The following TTLL10 variants were observed in gnomAD, a reference collection of about 807,000 sequenced individuals.
TTLL10 encodes tubulin tyrosine ligase like 10.
In TTLL10, 61 loss-of-function variants were observed where a neutral mutation model predicts 69.0. That is an observed-to-expected ratio of 0.88 (90% confidence interval 0.72 to 1.09). The LOEUF (loss-of-function observed/expected upper bound fraction) is 1.09. Among genes scored for constraint, TTLL10 ranks in the 50% least tolerant of loss-of-function variants. The probability of loss-of-function intolerance (pLI) is 0.00; values close to 1 mark genes in which losing one functional copy is unlikely to be tolerated. For missense variants in TTLL10, 962 were observed against 945.9 expected (o/e 1.02, Z -0.22); for synonymous variants, 408 against 393.3 (o/e 1.04, Z -0.44).
rs1376829810 is a variant in TTLL10 at position 1,174,660 on chromosome 1, C to T, written c.-28+171C>T. 4 of 152,202 alleles carry T rather than the reference C, an allele frequency of 2.6e-5. No homozygotes were observed. In the South Asian group the frequency reaches 6.2e-4, roughly 24 times the overall value. 9.4% of individuals were successfully genotyped at this position (152,202 alleles called of 1,614,324 possible). On this transcript the variant is annotated intron_variant, in intron 3 of 15. Transcript: ENST00000379289. Reference sequence around the variant, plus strand: ...CGTCAGTCAGCATCTCGGAGTGAGACGCTTTCCTTCTGGATTCAGAATCGC... The same window carrying T: ...CGTCAGTCAGCATCTCGGAGTGAGATGCTTTCCTTCTGGATTCAGAATCGC...
intron 13 of TTLL10, among the ~76,000 whole-genome samples, chr1:1,190,835 T>C (rs773566997): frequency 1.1e-4 from 16 of 152,136 alleles, no homozygotes; most frequent in Non-Finnish European, 2.1e-4. Context: ...TTATTTTTTA[T>C]TTTATTTGAG....
Position 1,187,125 on chromosome 1 carries a change from T to C in TTLL10, c.1401+2016T>C, listed in dbSNP as rs796356427. Among the ~76,000 whole-genome samples the C allele has an allele frequency of 8.1e-4, 123 of 151,982 alleles. 1 individual carries two copies. The highest frequency in any genetic ancestry group is 2.8e-3 in the African/African-American group (118 of 41,474). ...CCTCCCAAAGTGCTGGGATTATAGG[T>C]GTGAGCCACCGCGCCCGGCCAAAAG... On this transcript the variant is annotated intron_variant, in intron 13 of 15. Coordinates refer to ENST00000379289, the MANE Select transcript of TTLL10 (RefSeq NM_001130045.2).
intron 14 of TTLL10, 43 bp from the exon 15 acceptor site, chr1:1,197,050 A>G: frequency 6.5e-7 from 1 of 1,534,058 alleles, no homozygotes; most frequent in Non-Finnish European, 8.8e-7. Context: ...CTGCTGGCCC[A>G]GTGGGCTCGG....
chr1:1,186,310 A>C (rs1314052560), intron 13 of TTLL10, among the ~76,000 whole-genome samples: 1 of 152,068 alleles, frequency 6.6e-6, no homozygotes, highest in Non-Finnish European at 1.5e-5. Context: ...GCTGGTCTCA[A>C]ACTCCTGACC....
intron 12 of TTLL10, among the ~76,000 whole-genome samples, chr1:1,184,662 T>C (rs1647197535): frequency 6.6e-6 from 1 of 152,082 alleles, no homozygotes; most frequent in Admixed American, 6.5e-5. Context: ...ACAGGCCTTC[T>C]AGGTTAGGGG....
chr1:1,179,766 T>C (rs987408796), intron 5 of TTLL10, 29 bp downstream of exon 5: 3 of 1,528,222 alleles, frequency 2.0e-6, no homozygotes, highest in African/African-American at 1.4e-5. Flanking sequence ...GCGACCTCCC[T>C]GCCCCCTGCT....
rs1357044668 is a variant in TTLL10, at chr1:1,182,963, T to G, written c.1004T>G (p.Leu335Arg). 3 of 1,605,596 alleles carry G rather than the reference T, an allele frequency of 1.9e-6. No individual in the cohort carries two copies. Among genetic ancestry groups the G allele is most frequent in the Admixed American group, 3.4e-5 (2 of 59,300 alleles). Reference protein sequence around the residue: ...LLRNQEEVAALQAKTRSMEDD... With the variant: ...LLRNQEEVAARQAKTRSMEDD... The stretch of plus-strand genomic sequence containing the variant: ...CGGAACCAGGAGGAAGTTGCCGCCC[T>G]GCAGGCCAAGACCCGGAGCATGGAG... Residue 335 changes from leucine (L) to arginine (R), a missense_variant, in exon 11 of 16, where the codon CTG (leucine) becomes CGG (arginine). Leu to Arg is a moderately radical substitution (Grantham distance 102). Coordinates refer to ENST00000379289, the MANE Select transcript of TTLL10 (RefSeq NM_001130045.2).
chr1:1,192,487 G>GT (rs1411092516), intron 13 of TTLL10, among the ~76,000 whole-genome samples: 1 of 152,152 alleles, frequency 6.6e-6, no homozygotes, highest in Non-Finnish European at 1.5e-5. Context: ...GTTCGTATCA[G>GT]TGTAGACACT....
chr1:1,197,294 C>G, intron 15 of TTLL10, 108 bp downstream of exon 15: 4 of 1,337,980 alleles, frequency 3.0e-6, no homozygotes, highest in Non-Finnish European at 4.1e-6. Flanking sequence ...CTTCCACCTC[C>G]CGAGGGCCTG....
chr1:1,196,574 C>T (rs1488907730), intron 13 of TTLL10, 26 bp from the exon 14 acceptor site: 1 of 1,532,108 alleles, frequency 6.5e-7, no homozygotes, highest in Admixed American at 2.0e-5. Flanking sequence ...GGGCCGCAGC[C>T]AGGATGCCTC....
In TTLL10 at chr1:1,197,759, C is replaced by T. The variant is rs1301769540; in HGVS notation, c.1934C>T (p.Ser645Leu). 122 of 1,535,444 alleles carry T rather than the reference C, an allele frequency of 7.9e-5. No homozygotes were observed. The highest frequency in any genetic ancestry group is 2.6e-4 in the Admixed American group (13 of 50,372). The change falls in exon 16 of 16, where the codon TCG becomes TTG. Residue 645 changes from serine (S) to leucine (L), a missense_variant. Coordinates refer to ENST00000379289, the MANE Select transcript of TTLL10 (RefSeq NM_001130045.2). ...GEPQAPGTEQ[S>L]GTGNRHPAQE... ...CCCCAGGCCCCGGGCACGGAGCAGTCGGGCACAGGCAACAGGCACCCGGCG... is the reference window on the plus strand; with the variant it reads ...CCCCAGGCCCCGGGCACGGAGCAGTTGGGCACAGGCAACAGGCACCCGGCG...
chr1:1,186,011 C>T, intron 13 of TTLL10: 1 of 198,086 alleles, frequency 5.0e-6, no homozygotes, highest in African/African-American at 2.4e-5. Flanking sequence ...GCTGATGGAC[C>T]TTCTCTCTCT....
chr1:1,197,636 CA>C lies in TTLL10; in HGVS notation c.1812del (p.Asp605ThrfsTer?). ...TCCGGGCCACCCATGCCGCATGCCC[CA>C]GACCAGCCGGGCGCCCGCAGGCCTG... ...KSSGPPMPHA[P>X]DQPGARRPAP... On this transcript the variant is annotated frameshift_variant, in exon 16 of 16. Coordinates refer to ENST00000379289, the MANE Select transcript of TTLL10 (RefSeq NM_001130045.2). LOFTEE classifies it high-confidence loss of function. The C allele has an allele frequency of 6.6e-7, 1 of 1,506,374 alleles. No homozygotes were observed. The highest frequency in any genetic ancestry group is 8.8e-7 in the Non-Finnish European group (1 of 1,134,832). 93.3% of individuals were successfully genotyped at this position (1,506,374 alleles called of 1,614,324 possible). A position where few individuals can be genotyped will look rare whatever the true frequency, so the allele number is the denominator to read the frequency against.
rs866471576 is a variant in TTLL10, at chr1:1,181,128, G to C, written c.755+268G>C. Among the ~76,000 whole-genome samples the C allele has an allele frequency of 3.4e-5, 5 of 147,362 alleles. No individual in the cohort carries two copies. Among genetic ancestry groups the C allele is most frequent in the African/African-American group, 1.0e-4 (4 of 39,322 alleles). ...CTGTCCTTTAAAGGGCCAAACCCCT[G>C]TCCCATAAACCCACCCTCTTCCTCG... On this transcript the variant is annotated intron_variant, in intron 8 of 15. Coordinates refer to ENST00000379289, the MANE Select transcript of TTLL10 (RefSeq NM_001130045.2). This position sits in a 1 kb window ranked among gnomAD's most constrained non-coding sequence, Gnocchi z 4.6.
intron 3 of TTLL10, among the ~76,000 whole-genome samples, chr1:1,177,972 G>A: frequency 6.6e-6 from 1 of 152,184 alleles, no homozygotes; most frequent in East Asian, 1.9e-4. Context: ...CCTCCCTGAG[G>A]ACGGGTCCCA....
chr1:1,187,584 C>A (rs112210705), intron 13 of TTLL10, among the ~76,000 whole-genome samples: 18 of 151,934 alleles, frequency 1.2e-4, no homozygotes, highest in African/African-American at 1.7e-4. Flanking sequence ...GAGCCAAGAT[C>A]GTGCCACTGC....
At position 1,183,052 on chromosome 1, in the gene TTLL10, G is replaced by T. The variant is rs201484894; in HGVS notation, c.1088+5G>T. ...TCAGGCGCGGGTGGTGCAGAGGTGC[G>T]GCGGCGGGTGCCCGGAGGGGTGAGG... On this transcript the variant is annotated splice_donor_5th_base_variant and intron_variant, in intron 11 of 15. Coordinates refer to ENST00000379289, the MANE Select transcript of TTLL10 (RefSeq NM_001130045.2). The T allele has an allele frequency of 2.5e-6, 4 of 1,591,368 alleles. No individual in the cohort carries two copies.
Position 1,179,319 on chromosome 1 carries a change from G to A in TTLL10, c.104G>A (p.Arg35Gln), listed in dbSNP as rs113596156. ...GKRPRIQQRP[R>Q]ARVSGTIPAS... The stretch of plus-strand genomic sequence containing the variant: ...AGGCCAAGGATCCAGCAGAGGCCTC[G>A]GGCTCGAGTCTCAGGTGAATAGAGC... Residue 35 changes from arginine (R) to glutamine (Q), a missense_variant, in exon 4 of 16, where the codon CGG becomes CAG. Transcript: ENST00000379289. 1.2e-3 allele frequency: 1,876 copies of A among 1,551,220 alleles called. 20 individuals carry two copies. The African/African-American group carries it at 0.019, about 16-fold the overall frequency.
In TTLL10 at chr1:1,182,968, G is replaced by A. The variant is rs1257121935; in HGVS notation, c.1009G>A (p.Ala337Thr). The A allele has an allele frequency of 1.2e-6, 2 of 1,606,782 alleles. No individual in the cohort carries two copies. The highest frequency in any genetic ancestry group is 2.2e-5 in the East Asian group (1 of 44,544). The change falls in exon 11 of 16, where the codon GCC (alanine) becomes ACC (threonine). Residue 337 changes from alanine (A) to threonine (T), a missense_variant. Ala to Thr is a moderately conservative substitution (Grantham distance 58, BLOSUM62 0). Transcript: ENST00000379289. ...RNQEEVAALQ[A>T]KTRSMEDDPI... ...CCAGGAGGAAGTTGCCGCCCTGCAGGCCAAGACCCGGAGCATGGAGGACGA... is the reference window on the plus strand; with the variant it reads ...CCAGGAGGAAGTTGCCGCCCTGCAGACCAAGACCCGGAGCATGGAGGACGA...
Sources: gnomAD v4.1 joint callset for allele counts (sites outside exome capture counted in the v4.1 genomes callset) on GRCh38, gnomAD v4.1.1 for gene constraint, Gnocchi (gnomAD v3.1) non-coding constraint, MANE v1.5 for transcripts, NCBI Gene and HGNC (gene_info 2026-07-23, HGNC 2026-07-21) for gene names.